ACOXL: variants seen among roughly 807,000 people sequenced by gnomAD.
The protein encoded by ACOXL is acyl-coenzyme A oxidase-like protein.
ACOXL carries 70 observed loss-of-function variants against 71.9 expected under a neutral mutation model. That is an observed-to-expected ratio of 0.97 (90% CI 0.80 to 1.19). The LOEUF is 1.19. Ranked by LOEUF, ACOXL falls within the 50% of genes most tolerant of loss-of-function variation. ACOXL has a pLI of 0.00. For missense variants in ACOXL, 703 were observed against 736.3 expected, an observed-to-expected ratio of 0.95 and a Z score of 0.52; for synonymous variants, 253 against 281.6, an observed-to-expected ratio of 0.90 and a Z score of 1.02.
At chr2:110,960,446 C>T (rs1055542537) in intron 12 of ACOXL, among the ~76,000 whole-genome samples, 3 of 152,270 alleles carry the variant, frequency 2.0e-5, no homozygotes, top group Middle Eastern at 3.4e-3. Context: ...CATGTGCAGT[C>T]GTGGCCCTCC....
At chr2:110,815,563 G>A (rs1164680049) in intron 9 of ACOXL, among the ~76,000 whole-genome samples, 2 of 152,188 alleles carry the variant, frequency 1.3e-5, no homozygotes, top group African/African-American at 4.8e-5. Context: ...TGTATGTGCT[G>A]CCATGTCTGT....
At chr2:110,813,083 C>A (rs1687534546) in intron 9 of ACOXL, among the ~76,000 whole-genome samples, 1 of 152,192 alleles carries the variant, frequency 6.6e-6, no homozygotes, top group Non-Finnish European at 1.5e-5. Flanking sequence ...GAGCTGACAT[C>A]CAGCCCTTCC....
At chr2:111,086,598 A>G (rs1019533884) in intron 16 of ACOXL, among the ~76,000 whole-genome samples, 2 of 152,210 alleles carry the variant, frequency 1.3e-5, no homozygotes, top group African/African-American at 4.8e-5. Context: ...GGTTTTTAAC[A>G]TGAAGGAATG....
intron 16 of ACOXL, among the ~76,000 whole-genome samples, chr2:111,090,316 A>G (rs909910831): frequency 2.0e-5 from 3 of 152,136 alleles, no homozygotes; most frequent in African/African-American, 4.8e-5. Context: ...TTCATTAGGA[A>G]ATTGGATGCC....
intron 10 of ACOXL, among the ~76,000 whole-genome samples, chr2:110,857,449 T>C (rs1458807417): frequency 6.6e-6 from 1 of 151,838 alleles, no homozygotes; most frequent in African/African-American, 2.4e-5. Context: ...TAGAGAAGAG[T>C]AGGTTACATG....
chr2:110,914,883 C>T (rs1164223683), intron 11 of ACOXL, among the ~76,000 whole-genome samples: 4 of 151,978 alleles, frequency 2.6e-5, no homozygotes, highest in South Asian at 2.1e-4. Context: ...GTTACATTGC[C>T]GGTATTATAT....
chr2:111,080,671 G>C (rs1203026249), intron 16 of ACOXL, among the ~76,000 whole-genome samples: 1 of 152,150 alleles, frequency 6.6e-6, no homozygotes, highest in Non-Finnish European at 1.5e-5. Context: ...CTCATTTTAT[G>C]AGGCCAGCAT....
At chr2:110,925,587 T>C (rs921411339) in intron 11 of ACOXL, among the ~76,000 whole-genome samples, 3 of 152,260 alleles carry the variant, frequency 2.0e-5, no homozygotes, top group Non-Finnish European at 4.4e-5. Flanking sequence ...AAGAGAGTTA[T>C]GACCTTGTTC....
At chr2:110,921,884 C>G (rs2060093304) in intron 11 of ACOXL, among the ~76,000 whole-genome samples, 1 of 152,164 alleles carries the variant, frequency 6.6e-6, no homozygotes, top group Non-Finnish European at 1.5e-5. Context: ...CTTTCCACCC[C>G]CGAATTATTT....
chr2:110,759,473 A>G (rs996477531), intron 1 of ACOXL, among the ~76,000 whole-genome samples: 1 of 151,806 alleles, frequency 6.6e-6, no homozygotes, highest in African/African-American at 2.4e-5. Flanking sequence ...TTGAAAGTCT[A>G]TTTTTTCAGA....
chr2:110,824,364 C>A (rs780824692), intron 9 of ACOXL, among the ~76,000 whole-genome samples: 1 of 152,100 alleles, frequency 6.6e-6, no homozygotes, highest in Non-Finnish European at 1.5e-5. Context: ...AATTTTAGAA[C>A]CAGTTTGCCA....
intron 10 of ACOXL, among the ~76,000 whole-genome samples, chr2:110,857,132 C>T (rs1693354009): frequency 6.6e-6 from 1 of 152,102 alleles, no homozygotes; most frequent in Non-Finnish European, 1.5e-5. Flanking sequence ...CCTCAAGGAC[C>T]AGAGTGGCTT....
chr2:111,018,713 G>GC (rs141179631), intron 14 of ACOXL, among the ~76,000 whole-genome samples: 9,468 of 152,042 alleles, frequency 0.062, 984 homozygotes, highest in African/African-American at 0.22. Flanking sequence ...GAGGCTGGAG[G>GC]GGGTGTTGGT....
chr2:110,871,510 T>A (rs1695271934), intron 10 of ACOXL, among the ~76,000 whole-genome samples: 1 of 152,020 alleles, frequency 6.6e-6, no homozygotes, highest in Non-Finnish European at 1.5e-5. Context: ...ACTGCAGATT[T>A]CATTCATCAC....
chr2:110,768,267 A>C (rs1681376288), intron 1 of ACOXL, 101 bp from the exon 2 acceptor site: 1 of 872,758 alleles, frequency 1.1e-6, no homozygotes, highest in South Asian at 1.5e-5. Flanking sequence ...CAAGCATTAC[A>C]ATGGACACAG....
In ACOXL at chr2:110,767,199, A is replaced by G. The variant is rs181277619; in HGVS notation, c.-22-1169A>G. 2.8e-3 allele frequency among the ~76,000 whole-genome samples: 432 copies of G among 152,276 alleles called. 2 individuals carry two copies. The highest frequency in any genetic ancestry group is 4.1e-3 in the Non-Finnish European group (280 of 68,008). ...CCTACAGGCTCAGGCTGTGCGTTGC[A>G]TGGAAACATTCTAGGTGGCCAAAGA... is the stretch of plus-strand genomic sequence containing the variant. On this transcript the variant is annotated intron_variant, in intron 1 of 17. Coordinates refer to ENST00000439055, the MANE Select transcript of ACOXL (RefSeq NM_001142807.4).
intron 12 of ACOXL, among the ~76,000 whole-genome samples, chr2:110,937,167 T>C (rs1574196628): frequency 6.6e-6 from 1 of 152,060 alleles, no homozygotes; most frequent in African/African-American, 2.4e-5. Flanking sequence ...ATGGCAGGGG[T>C]TTCAGGGAGG....
intron 17 of ACOXL, among the ~76,000 whole-genome samples, chr2:111,094,615 C>A (rs1250551783): frequency 2.0e-5 from 3 of 152,196 alleles, no homozygotes; most frequent in Non-Finnish European, 4.4e-5. Context: ...TTCATGAGGG[C>A]AGAGCTGTCA....
At chr2:111,008,121 T>C (rs1193101323) in intron 14 of ACOXL, among the ~76,000 whole-genome samples, 2 of 152,192 alleles carry the variant, frequency 1.3e-5, no homozygotes, top group Non-Finnish European at 2.9e-5. Context: ...TTTCCGAAGT[T>C]TCTTTAATTA....
Sources: gnomAD v4.1 joint callset for allele counts (sites outside exome capture counted in the v4.1 genomes callset) on GRCh38, gnomAD v4.1.1 for gene constraint, MANE v1.5 for transcripts, NCBI Gene and HGNC (gene_info 2026-07-23, HGNC 2026-07-21) for gene names.